MCM5: variants seen among roughly 807,000 people sequenced by gnomAD.
The protein encoded by MCM5 is DNA replication licensing factor MCM5.
In MCM5, 46 loss-of-function variants were observed where a neutral mutation model predicts 79.9. That is an observed-to-expected ratio of 0.58 (90% CI 0.45 to 0.74). MCM5 has a LOEUF of 0.74. Ranked by LOEUF, MCM5 falls within the 30% of genes least tolerant of loss-of-function variation. The pLI, the probability that MCM5 is intolerant of heterozygous loss-of-function variation, is 0.00. For missense variants in MCM5, 883 were observed against 1,017.0 expected (o/e 0.87, Z 1.79); for synonymous variants, 404 against 390.5 (o/e 1.03, Z -0.41).
intron 12 of MCM5, among the ~76,000 whole-genome samples, chr22:35,417,253 C>CT (rs1191269514): frequency 6.6e-6 from 1 of 152,192 alleles, no homozygotes; most frequent in Admixed American, 6.5e-5. Flanking sequence ...TTCTGTTCTG[C>CT]TTCCCTTGGT....
At chr22:35,430,243 T>C (rs1353760816), downstream of MCM5, among the ~76,000 whole-genome samples, 1 of 152,258 alleles carries the variant, frequency 6.6e-6, no homozygotes, top group Non-Finnish European at 1.5e-5. Flanking sequence ...CTTCCAGCTG[T>C]GTGCCCTGAG....
chr22:35,405,389 C>T (rs1390816650), intron 4 of MCM5, among the ~76,000 whole-genome samples: 2 of 149,522 alleles, frequency 1.3e-5, no homozygotes, highest in Admixed American at 6.6e-5. Flanking sequence ...TTTTTTGAGA[C>T]GGAGTTTGAC....
the MCM5 span, among the ~76,000 whole-genome samples, chr22:35,442,542 C>A: frequency 2.0e-5 from 3 of 152,140 alleles, no homozygotes; most frequent in Non-Finnish European, 2.9e-5. Flanking sequence ...TCAGTTTCCT[C>A]GCCTTTGCCA....
intron 8 of MCM5, among the ~76,000 whole-genome samples, chr22:35,413,044 T>C (rs943969531): frequency 2.0e-5 from 3 of 151,870 alleles, no homozygotes; most frequent in Non-Finnish European, 4.4e-5. Flanking sequence ...TGCACAGCCA[T>C]TCTTTGTTTT....
At chr22:35,427,139 G>A (rs1301991901), downstream of MCM5, among the ~76,000 whole-genome samples, 2 of 152,168 alleles carry the variant, frequency 1.3e-5, no homozygotes, top group African/African-American at 4.8e-5. Flanking sequence ...CTAACTACAC[G>A]ATCTTCACCA....
At chr22:35,442,042 A>T in the MCM5 span, among the ~76,000 whole-genome samples, 61 of 151,868 alleles carry the variant, frequency 4.0e-4, no homozygotes, top group South Asian at 2.3e-3. Flanking sequence ...AATCTGGTCG[A>T]ATCTAAATCT....
intron 5 of MCM5, 98 bp downstream of exon 5, chr22:35,406,823 G>A (rs1261916867): frequency 2.2e-5 from 28 of 1,280,036 alleles, no homozygotes; most frequent in South Asian, 4.0e-5. Context: ...TGCTTCTAGA[G>A]ATCCACTGGG....
chr22:35,438,344 C>CATCCATCT, the MCM5 span, among the ~76,000 whole-genome samples: 42 of 149,628 alleles, frequency 2.8e-4, 1 homozygote, highest in Admixed American at 2.1e-3. Context: ...TCCATCCATC[C>CATCCATCT]ATCCACTCAC....
At chr22:35,430,888 G>GTT in the MCM5 span, among the ~76,000 whole-genome samples, 1 of 151,556 alleles carries the variant, frequency 6.6e-6, no homozygotes, top group South Asian at 2.1e-4. Context: ...TCTAGCTTTG[G>GTT]TCTTTTTAAA....
chr22:35,428,504 A>G (rs1020608258), downstream of MCM5, among the ~76,000 whole-genome samples: 3 of 152,054 alleles, frequency 2.0e-5, no homozygotes, highest in African/African-American at 7.2e-5. Flanking sequence ...GAACACCACC[A>G]GGCCCAGGGT....
chr22:35,436,837 G>A, the MCM5 span, among the ~76,000 whole-genome samples: 1 of 116,730 alleles, frequency 8.6e-6, no homozygotes, highest in Non-Finnish European at 2.1e-5. Flanking sequence ...TTGGGATTAT[G>A]GGGTGGGTAG....
chr22:35,418,481 G>GA, intron 13 of MCM5, among the ~76,000 whole-genome samples: 1 of 152,152 alleles, frequency 6.6e-6, no homozygotes, highest in Admixed American at 6.5e-5. Flanking sequence ...CCAACGTGGC[G>GA]AAACCCCATG....
Position 35,403,304 on chromosome 22 carries a change from T to C in MCM5, c.265T>C (p.Tyr89His). Reference protein sequence around the residue: ...SFDEDLADYLYKQPAEHLQLL... With the variant: ...SFDEDLADYLHKQPAEHLQLL... ...TGATGAGGACCTGGCCGACTACTTG[T>C]ACAAGCAGCCAGCCGAGCACCTGCA... Residue 89 changes from tyrosine (Y) to histidine (H), a missense_variant, in exon 3 of 17, where the codon TAC becomes CAC. By Grantham distance (83) the Tyr-to-His change is moderately conservative. Around this residue, in one of 3 missense-constraint regions of MCM5, gnomAD observed 455 missense variants for 517.5 expected, o/e 0.88. Transcript: ENST00000216122. 1 of 1,614,126 alleles carries C rather than the reference T, an allele frequency of 6.2e-7. No homozygotes were observed. Among genetic ancestry groups the C allele is most frequent in the Non-Finnish European group, 8.5e-7 (1 of 1,180,018 alleles).
At chr22:35,423,601 A>G in intron 16 of MCM5, 1 of 326,614 alleles carries the variant, frequency 3.1e-6, no homozygotes, top group African/African-American at 2.1e-5. Context: ...GTGAAACCCC[A>G]TACAAGTTCC....
chr22:35,437,346 G>A, the MCM5 span, among the ~76,000 whole-genome samples: 7 of 152,232 alleles, frequency 4.6e-5, no homozygotes, highest in Admixed American at 6.5e-5. Flanking sequence ...CACCAAAAGA[G>A]AGAGGTTCTC....
intron 5 of MCM5, among the ~76,000 whole-genome samples, chr22:35,407,230 C>T (rs1319693910): frequency 3.3e-5 from 5 of 152,194 alleles, no homozygotes; most frequent in African/African-American, 9.6e-5. Context: ...GAACCCCACC[C>T]TCTTCACTGG....
the MCM5 span, among the ~76,000 whole-genome samples, chr22:35,445,075 G>T: frequency 3.9e-5 from 6 of 152,158 alleles, no homozygotes; most frequent in African/African-American, 1.4e-4. Context: ...GAGCTGGGCT[G>T]TCCAGAAAGA....
chr22:35,453,977 C>T, the MCM5 span, among the ~76,000 whole-genome samples: 25 of 151,648 alleles, frequency 1.6e-4, no homozygotes, highest in East Asian at 4.3e-3. Flanking sequence ...GCCACCAGCC[C>T]GCTCTCCTCT....
Position 35,412,656 on chromosome 22 carries a change from C to T in MCM5, c.1066C>T (p.Leu356=), listed in dbSNP as rs756580050. 2.6e-6 allele frequency: 4 copies of T among 1,522,554 alleles called. No homozygotes were observed. Among genetic ancestry groups the T allele is most frequent in the Admixed American group, 4.0e-5 (2 of 49,890 alleles). The allele number at this position is 1,522,554 out of a possible 1,614,324, so 94.3% of individuals were successfully genotyped here. A position where few individuals can be genotyped will look rare whatever the true frequency, so the allele number is the denominator to read the frequency against. Residue 356 remains leucine, a synonymous_variant, in exon 8 of 17, where the codon CTG becomes TTG. Coordinates refer to ENST00000216122, the MANE Select transcript of MCM5 (RefSeq NM_006739.4). ...GTDMKKAIAC[L]LFGGSRKRLP... ...AGACATGAAGAAGGCCATTGCCTGCCTGCTCTTTGGGGGCTCCCGAAAGAG... is the reference window on the plus strand; with the variant it reads ...AGACATGAAGAAGGCCATTGCCTGCTTGCTCTTTGGGGGCTCCCGAAAGAG...
Sources: gnomAD v4.1 joint callset for allele counts (sites outside exome capture counted in the v4.1 genomes callset) on GRCh38, gnomAD v4.1.1 for gene constraint, gnomAD v4.1.1 regional missense constraint, MANE v1.5 for transcripts, NCBI Gene and HGNC (gene_info 2026-07-23, HGNC 2026-07-21) for gene names.